The following PDE1A variants were observed in gnomAD, a reference collection of about 807,000 sequenced individuals.
PDE1A encodes dual specificity calcium/calmodulin-dependent 3',5'-cyclic nucleotide phosphodiesterase 1A.
In PDE1A, 35 loss-of-function variants were observed where a neutral mutation model predicts 61.7. The ratio of observed to expected loss-of-function variants is 0.57; its 90% CI spans 0.43 to 0.75. The LOEUF (loss-of-function observed/expected upper bound fraction) is 0.75, where lower values mean the gene tolerates loss of function less well. Ranked by LOEUF, PDE1A falls within the 30% of genes least tolerant of loss-of-function variation. The probability of loss-of-function intolerance (pLI) is 0.00; values close to 1 mark genes in which losing one functional copy is unlikely to be tolerated. For missense variants in PDE1A, 597 were observed against 630.6 expected, an observed-to-expected ratio of 0.95 and a Z score of 0.57; for synonymous variants, 232 against 213.2, an observed-to-expected ratio of 1.09 and a Z score of -0.77.
the PDE1A span, among the ~76,000 whole-genome samples, chr2:182,587,851 T>C: frequency 0.38 from 57,340 of 152,048 alleles, 12,218 homozygotes; most frequent in East Asian, 0.62. Context: ...ACACTAAATA[T>C]GCAGCCAATG....
intron 1 of PDE1A, among the ~76,000 whole-genome samples, chr2:182,354,478 C>T (rs909767254): frequency 6.6e-6 from 1 of 152,148 alleles, no homozygotes; most frequent in Admixed American, 6.6e-5. Context: ...TTACTGACAA[C>T]CATCTGGATG....
At chr2:182,619,604 A>T in the PDE1A span, among the ~76,000 whole-genome samples, 1 of 152,176 alleles carries the variant, frequency 6.6e-6, no homozygotes, top group Non-Finnish European at 1.5e-5. Context: ...ATTCTAAGAC[A>T]CTAGCAGATT....
intron 1 of PDE1A, among the ~76,000 whole-genome samples, chr2:182,308,014 A>G (rs1695708986): frequency 6.6e-6 from 1 of 152,198 alleles, no homozygotes; most frequent in African/African-American, 2.4e-5. Flanking sequence ...AACTAAATAT[A>G]ATCGTTTTTT....
the PDE1A span, among the ~76,000 whole-genome samples, chr2:182,668,004 T>C: frequency 1.3e-5 from 2 of 152,126 alleles, no homozygotes; most frequent in South Asian, 2.1e-4. Flanking sequence ...CTGATGAAGA[T>C]GCAACACCCT....
intron 2 of PDE1A, among the ~76,000 whole-genome samples, chr2:182,473,662 C>T (rs867177276): frequency 6.6e-6 from 1 of 151,916 alleles, no homozygotes; most frequent in East Asian, 2.0e-4. Flanking sequence ...CTCTGATAGG[C>T]CCCAGTGTGT....
intron 1 of PDE1A, among the ~76,000 whole-genome samples, chr2:182,336,940 C>A (rs1244497037): frequency 7.0e-6 from 1 of 142,428 alleles, no homozygotes; most frequent in African/African-American, 2.6e-5. Flanking sequence ...AACAAACCTG[C>A]AGGTTCTGCA....
chr2:182,314,564 G>A (rs833120), intron 1 of PDE1A: 145,427 of 152,236 alleles, frequency 0.96, 69,807 homozygotes, highest in Non-Finnish European at 1. Context: ...AAGCAGCAGC[G>A]GAAGAAGAAG....
intron 1 of PDE1A, among the ~76,000 whole-genome samples, chr2:182,348,463 C>A (rs1325053539): frequency 6.6e-6 from 1 of 152,110 alleles, no homozygotes; most frequent in Non-Finnish European, 1.5e-5. Flanking sequence ...CATCACCTAA[C>A]AGGAAGGCCA....
chr2:182,402,900 A>G (rs533687404), intron 1 of PDE1A, among the ~76,000 whole-genome samples: 2 of 152,248 alleles, frequency 1.3e-5, no homozygotes, highest in Non-Finnish European at 2.9e-5. Flanking sequence ...GAAGACATTT[A>G]TGTTGCCAAC....
At chr2:182,537,644 T>C in the PDE1A span, among the ~76,000 whole-genome samples, 3 of 151,754 alleles carry the variant, frequency 2.0e-5, no homozygotes, top group Non-Finnish European at 2.9e-5. Flanking sequence ...ACTTAAAGTA[T>C]AATAAAAAGA....
At chr2:182,170,440 A>G (rs1273033690) in intron 13 of PDE1A, among the ~76,000 whole-genome samples, 1 of 151,698 alleles carries the variant, frequency 6.6e-6, no homozygotes, top group Non-Finnish European at 1.5e-5. Flanking sequence ...TTGTGCTAAG[A>G]TTAAACAGAA....
At chr2:182,323,088 C>T (rs1381144578) in intron 1 of PDE1A, among the ~76,000 whole-genome samples, 2 of 152,046 alleles carry the variant, frequency 1.3e-5, no homozygotes, top group African/African-American at 4.8e-5. Flanking sequence ...CAAAATAAAA[C>T]AAATGTTATT....
At chr2:182,226,249 A>T (rs1351876706) in intron 6 of PDE1A, among the ~76,000 whole-genome samples, 1 of 149,952 alleles carries the variant, frequency 6.7e-6, no homozygotes, top group Non-Finnish European at 1.5e-5. Flanking sequence ...AAAATCAGAG[A>T]TGGAATTAAT....
chr2:182,579,365 C>G, the PDE1A span, among the ~76,000 whole-genome samples: 1 of 152,176 alleles, frequency 6.6e-6, no homozygotes, highest in African/African-American at 2.4e-5. Context: ...GGAGGTCACT[C>G]CCTTAGCAAG....
At chr2:182,471,192 C>T (rs963582304) in intron 2 of PDE1A, among the ~76,000 whole-genome samples, 5 of 151,624 alleles carry the variant, frequency 3.3e-5, no homozygotes, top group Non-Finnish European at 5.9e-5. Context: ...CTTTAGAACA[C>T]TTAGAAGTTA....
intron 6 of PDE1A, among the ~76,000 whole-genome samples, chr2:182,229,657 G>A (rs1689414327): frequency 6.6e-6 from 1 of 152,084 alleles, no homozygotes; most frequent in Non-Finnish European, 1.5e-5. Context: ...CATAAGGAAT[G>A]AGAAAAAGAG....
intron 1 of PDE1A, among the ~76,000 whole-genome samples, chr2:182,266,638 C>T (rs573081293): frequency 2.0e-5 from 3 of 152,270 alleles, no homozygotes; most frequent in South Asian, 2.1e-4. Flanking sequence ...TCTCTTGAAG[C>T]TAGGTATGGT....
the PDE1A span, among the ~76,000 whole-genome samples, chr2:182,544,139 T>C: frequency 6.6e-6 from 1 of 152,224 alleles, no homozygotes; most frequent in Non-Finnish European, 1.5e-5. Context: ...TGCAGGACTA[T>C]CAACACATAA....
At chr2:182,520,293 TAAGTCAAAGTAC>T (rs1223600000) in intron 2 of PDE1A, among the ~76,000 whole-genome samples, 1 of 151,942 alleles carries the variant, frequency 6.6e-6, no homozygotes, top group Admixed American at 6.6e-5. Context: ...GAAAATGTAC[TAAGTCAAAGTAC>T]AAGTTAAAGT....
Sources: allele counts gnomAD v4.1 joint callset (sites outside exome capture counted in the v4.1 genomes callset), GRCh38; gene constraint gnomAD v4.1.1; transcripts MANE v1.5; gene names NCBI Gene and HGNC (gene_info 2026-07-23, HGNC 2026-07-21).